CLVS2: variants seen among roughly 807,000 people sequenced by gnomAD.
CLVS2 encodes clavesin-2.
Under a neutral mutation model 29.0 loss-of-function variants are expected in CLVS2, and 19 were observed. The ratio of observed to expected loss-of-function variants is 0.66; its 90% CI spans 0.46 to 0.96. CLVS2 has a LOEUF of 0.96. Among genes scored for constraint, CLVS2 ranks in the 40% least tolerant of loss-of-function variants. CLVS2 has a pLI of 0.00. For synonymous variants in CLVS2, 161 were observed against 151.3 expected (o/e 1.06, Z -0.47); for missense variants, 294 against 404.1 (o/e 0.73, Z 2.34).
intron 3 of CLVS2, among the ~76,000 whole-genome samples, chr6:123,011,981 A>G (rs1774754608): frequency 6.6e-6 from 1 of 152,016 alleles, no homozygotes; most frequent in Non-Finnish European, 1.5e-5. Flanking sequence ...CTCATTAGTA[A>G]TTTCTGACTG....
intron 2 of CLVS2, among the ~76,000 whole-genome samples, chr6:123,009,273 T>A (rs576078968): frequency 6.6e-6 from 1 of 152,150 alleles, no homozygotes; most frequent in South Asian, 2.1e-4. Flanking sequence ...ATCAGCGACA[T>A]ATCCAGGACC....
At chr6:123,044,846 T>A (rs566618580) in intron 3 of CLVS2, among the ~76,000 whole-genome samples, 66 of 152,256 alleles carry the variant, frequency 4.3e-4, no homozygotes, top group African/African-American at 1.6e-3. Context: ...TTTGTGTGAC[T>A]CAGTTTCCAA....
intron 4 of CLVS2, among the ~76,000 whole-genome samples, chr6:123,050,314 G>A (rs1218306080): frequency 6.6e-6 from 1 of 152,180 alleles, no homozygotes; most frequent in Non-Finnish European, 1.5e-5. Context: ...TTATACTGGT[G>A]AGTGCTTATA....
At chr6:123,022,148 A>C (rs1237843218) in intron 3 of CLVS2, among the ~76,000 whole-genome samples, 1 of 151,982 alleles carries the variant, frequency 6.6e-6, no homozygotes, top group Non-Finnish European at 1.5e-5. Context: ...ATGTTTAGGC[A>C]TTTTAGTTAT....
chr6:123,002,919 A>G (rs191257887), intron 2 of CLVS2, among the ~76,000 whole-genome samples: 1 of 152,314 alleles, frequency 6.6e-6, no homozygotes, highest in Admixed American at 6.5e-5. Flanking sequence ...GCAGATATGT[A>G]TTCCATGGGA....
chr6:123,067,289 A>G lies in CLVS2; in HGVS notation c.*3528A>G, dbSNP rs1413755633. 1.3e-5 allele frequency: 2 copies of G among 151,708 alleles called. No homozygotes were observed. The highest frequency in any genetic ancestry group is 3.0e-5 in the Non-Finnish European group (2 of 67,748). 9.4% of individuals were successfully genotyped at this position (151,708 alleles called of 1,614,324 possible). A position where few individuals can be genotyped will look rare whatever the true frequency, so the allele number is the denominator to read the frequency against. On this transcript the variant is annotated 3_prime_UTR_variant, in exon 6 of 6. Coordinates refer to ENST00000275162, the MANE Select transcript of CLVS2 (RefSeq NM_001010852.4). ...AGAGTTGTTTTAGACATTGGGGAAT[A>G]TGTTTATGACTCTTCACATAAAGAA...
chr6:122,997,614 C>G lies in CLVS2; in HGVS notation c.-164C>G. The G allele has an allele frequency of 1.5e-6, 1 of 686,626 alleles. No individual in the cohort carries two copies. The highest frequency in any genetic ancestry group is 2.0e-5 in the South Asian group (1 of 50,860). 42.5% of individuals were successfully genotyped at this position (686,626 alleles called of 1,614,324 possible). A position where few individuals can be genotyped will look rare whatever the true frequency, so the allele number is the denominator to read the frequency against. On this transcript the variant is annotated 5_prime_UTR_variant, in exon 2 of 6. Transcript: ENST00000275162. ...CAGCTTTGCTGGGGGAAAGCAGGAG[C>G]AACAGGGCACTTGATTGGACACCAA...
At chr6:123,050,951 G>T (rs777215280) in intron 4 of CLVS2, among the ~76,000 whole-genome samples, 1 of 152,130 alleles carries the variant, frequency 6.6e-6, no homozygotes, top group Non-Finnish European at 1.5e-5. Context: ...ATTCCAGATG[G>T]AAGGAAGGTA....
intron 2 of CLVS2, among the ~76,000 whole-genome samples, 197 bp downstream of exon 2, chr6:122,998,363 C>G (rs930637673): frequency 6.6e-6 from 1 of 152,172 alleles, no homozygotes; most frequent in Non-Finnish European, 1.5e-5. Context: ...TTAAAACTTA[C>G]TTCACTAACA....
At chr6:122,998,977 G>A (rs1774551041) in intron 2 of CLVS2, among the ~76,000 whole-genome samples, 1 of 152,180 alleles carries the variant, frequency 6.6e-6, no homozygotes, top group Non-Finnish European at 1.5e-5. Context: ...ATAGAAAAAT[G>A]CAGGCAATGA....
chr6:123,015,172 A>G (rs1231699395), intron 3 of CLVS2, among the ~76,000 whole-genome samples: 1 of 152,058 alleles, frequency 6.6e-6, no homozygotes, highest in Non-Finnish European at 1.5e-5. Flanking sequence ...TGGGAAATGA[A>G]TTGAGGAAAA....
At chr6:123,061,251 G>T (rs562125075) in intron 5 of CLVS2, among the ~76,000 whole-genome samples, 1 of 152,018 alleles carries the variant, frequency 6.6e-6, no homozygotes, top group South Asian at 2.1e-4. Context: ...GAGCCGAGAT[G>T]GTGCCACTGC....
In CLVS2 at chr6:122,998,159, C is replaced by A; in HGVS notation, c.382C>A (p.Gln128Lys). 1.2e-6 allele frequency: 2 copies of A among 1,611,018 alleles called. No individual in the cohort carries two copies. The highest frequency in any genetic ancestry group is 1.7e-6 in the Non-Finnish European group (2 of 1,179,896). Residue 128 changes from glutamine (Q) to lysine (K), a missense_variant, in exon 2 of 6, where the codon CAG (glutamine) becomes AAG (lysine). Transcript: ENST00000275162. ...ILVLFAANWD[Q>K]SRYTLVDILR... The stretch of plus-strand genomic sequence containing the variant: ...AGTCCTTTTTGCTGCCAATTGGGAT[C>A]AGAGCAGGTAAATCCTAAATCCAAA...
intron 3 of CLVS2, among the ~76,000 whole-genome samples, chr6:123,043,859 A>G (rs1775269621): frequency 6.6e-6 from 1 of 152,212 alleles, no homozygotes; most frequent in Admixed American, 6.5e-5. Flanking sequence ...AGTTAGAATA[A>G]TGTGCTATGG....
At chr6:123,000,880 A>G (rs1774579759) in intron 2 of CLVS2, among the ~76,000 whole-genome samples, 1 of 152,172 alleles carries the variant, frequency 6.6e-6, no homozygotes, top group Admixed American at 6.5e-5. Context: ...GATTACATAG[A>G]TAAATTCTAG....
intron 3 of CLVS2, among the ~76,000 whole-genome samples, chr6:123,012,015 A>C (rs1388475940): frequency 6.6e-6 from 1 of 152,008 alleles, no homozygotes; most frequent in Non-Finnish European, 1.5e-5. Flanking sequence ...CTAAATTGAT[A>C]ACTGCTGACC....
intron 3 of CLVS2, among the ~76,000 whole-genome samples, chr6:123,023,600 G>C (rs778199190): frequency 1.6e-4 from 24 of 152,094 alleles, no homozygotes; most frequent in Non-Finnish European, 2.9e-4. Flanking sequence ...ACATAAGGAA[G>C]AAAGAGATTT....
intron 2 of CLVS2, among the ~76,000 whole-genome samples, chr6:122,998,988 C>A (rs1278149880): frequency 6.6e-6 from 1 of 152,178 alleles, no homozygotes; most frequent in East Asian, 1.9e-4. Context: ...CAGGCAATGA[C>A]ACTTCTCTGT....
chr6:123,052,974 A>G (rs1772635741), intron 4 of CLVS2, among the ~76,000 whole-genome samples: 1 of 150,162 alleles, frequency 6.7e-6, no homozygotes, highest in Non-Finnish European at 1.5e-5. Context: ...ATGAACTTAA[A>G]GAAATCACCA....
Sources: allele counts gnomAD v4.1 joint callset (sites outside exome capture counted in the v4.1 genomes callset), GRCh38; gene constraint gnomAD v4.1.1; transcripts MANE v1.5; gene names NCBI Gene and HGNC (gene_info 2026-07-23, HGNC 2026-07-21).